The following HPSE2 variants were observed in gnomAD, a reference collection of about 807,000 sequenced individuals.
The protein encoded by HPSE2 is heparanase 2 (inactive).
HPSE2 carries 38 observed loss-of-function variants against 60.5 expected under a neutral mutation model. The ratio of observed to expected loss-of-function variants is 0.63; its 90% confidence interval spans 0.48 to 0.82. The LOEUF (loss-of-function observed/expected upper bound fraction) is 0.82, where lower values mean the gene tolerates loss of function less well. Ranked by LOEUF, HPSE2 falls within the 40% of genes least tolerant of loss-of-function variation. HPSE2 has a pLI of 0.00. For missense variants in HPSE2, 713 were observed against 740.4 expected, an observed-to-expected ratio of 0.96 and a Z score of 0.43; for synonymous variants, 295 against 293.2, an observed-to-expected ratio of 1.01 and a Z score of -0.06.
At chr10:99,170,697 TC>T (rs374230085) in intron 2 of HPSE2, among the ~76,000 whole-genome samples, 18 of 152,348 alleles carry the variant, frequency 1.2e-4, no homozygotes, top group African/African-American at 4.1e-4. Context: ...CTATTTCATT[TC>T]TTTCACCTGC....
chr10:99,305,967 G>GCACACACACACACACACA, the HPSE2 span, among the ~76,000 whole-genome samples: 2 of 54,550 alleles, frequency 3.7e-5, no homozygotes, highest in Non-Finnish European at 7.3e-5. Flanking sequence ...ACACACGCGC[G>GCACACACACACACACACA]CGCGCGCGCG....
intron 9 of HPSE2, among the ~76,000 whole-genome samples, chr10:98,491,310 G>A (rs1941636657): frequency 6.6e-6 from 1 of 151,970 alleles, no homozygotes; most frequent in Non-Finnish European, 1.5e-5. Flanking sequence ...TTTGCCACTA[G>A]AATGGCTCCA....
intron 3 of HPSE2, among the ~76,000 whole-genome samples, chr10:98,789,548 C>G (rs575310235): frequency 6.6e-6 from 1 of 152,186 alleles, no homozygotes; most frequent in African/African-American, 2.4e-5. Context: ...TCAGAGTTGT[C>G]CTGAAATAGA....
At chr10:99,147,923 C>T (rs1846115195) in intron 2 of HPSE2, among the ~76,000 whole-genome samples, 1 of 152,098 alleles carries the variant, frequency 6.6e-6, no homozygotes, top group South Asian at 2.1e-4. Context: ...AAGACATGAA[C>T]ACAAATCCTA....
intron 5 of HPSE2, 85 bp downstream of exon 5, chr10:98,721,572 A>C (rs770264072): frequency 6.8e-6 from 9 of 1,321,806 alleles, no homozygotes; most frequent in Non-Finnish European, 9.5e-6. Flanking sequence ...TAAATAAATA[A>C]ATAAATAAAT....
chr10:99,241,472 ACAAT>A, the HPSE2 span, among the ~76,000 whole-genome samples: 1 of 152,238 alleles, frequency 6.6e-6, no homozygotes, highest in African/African-American at 2.4e-5. Context: ...TCTAAAATAT[ACAAT>A]CAATCAGGCA....
At chr10:98,902,042 T>G (rs1262509064) in intron 3 of HPSE2, among the ~76,000 whole-genome samples, 1 of 152,198 alleles carries the variant, frequency 6.6e-6, no homozygotes, top group Admixed American at 6.5e-5. Flanking sequence ...AATTTGTTCA[T>G]GTAATCACAA....
At chr10:99,079,620 T>C (rs762678654) in intron 3 of HPSE2, among the ~76,000 whole-genome samples, 21 of 152,278 alleles carry the variant, frequency 1.4e-4, no homozygotes, top group South Asian at 8.3e-4. Context: ...TGCTATAATA[T>C]GCCAGGACCT....
At chr10:99,079,878 G>T (rs964966668) in intron 3 of HPSE2, among the ~76,000 whole-genome samples, 1 of 152,128 alleles carries the variant, frequency 6.6e-6, no homozygotes, top group Admixed American at 6.5e-5. Flanking sequence ...ACATATAGCA[G>T]TCTTCTCAGA....
chr10:98,478,106 A>C (rs1381193943), intron 11 of HPSE2, among the ~76,000 whole-genome samples: 1 of 152,212 alleles, frequency 6.6e-6, no homozygotes, highest in Non-Finnish European at 1.5e-5. Context: ...TTGTGATCAC[A>C]CAAGGCAATG....
intron 3 of HPSE2, among the ~76,000 whole-genome samples, chr10:98,917,994 C>T (rs1954169775): frequency 6.6e-6 from 1 of 152,190 alleles, no homozygotes; most frequent in South Asian, 2.1e-4. Context: ...TGCAAGATAA[C>T]TCAGGCCGTC....
chr10:98,523,272 G>A (rs560356606), intron 9 of HPSE2, among the ~76,000 whole-genome samples: 20 of 152,300 alleles, frequency 1.3e-4, no homozygotes, highest in African/African-American at 4.8e-4. Flanking sequence ...CTCAGTAACT[G>A]CCTTTGATAT....
intron 6 of HPSE2, among the ~76,000 whole-genome samples, chr10:98,683,470 A>C (rs1947836479): frequency 6.6e-6 from 1 of 151,964 alleles, no homozygotes; most frequent in South Asian, 2.1e-4. Flanking sequence ...AATAAAACTA[A>C]AATTGATATC....
chr10:98,543,966 T>C (rs1254756904), intron 9 of HPSE2, among the ~76,000 whole-genome samples: 1 of 148,528 alleles, frequency 6.7e-6, no homozygotes, highest in African/African-American at 2.5e-5. Context: ...AACTCAGCTC[T>C]GCACCAAGCA....
intron 3 of HPSE2, among the ~76,000 whole-genome samples, chr10:98,793,161 C>T (rs376884253): frequency 7.9e-5 from 12 of 152,316 alleles, no homozygotes; most frequent in African/African-American, 2.9e-4. Context: ...AGATGTTCTC[C>T]CTTAACTGTA....
At chr10:98,868,169 GA>G (rs1952641595) in intron 3 of HPSE2, among the ~76,000 whole-genome samples, 1 of 151,732 alleles carries the variant, frequency 6.6e-6, no homozygotes, top group Non-Finnish European at 1.5e-5. Context: ...GCTATAAAAA[GA>G]ATGAGATTCT....
At chr10:98,539,080 C>T (rs1171675314) in intron 9 of HPSE2, among the ~76,000 whole-genome samples, 1 of 152,206 alleles carries the variant, frequency 6.6e-6, no homozygotes, top group Non-Finnish European at 1.5e-5. Context: ...GAAGGCAAAA[C>T]ATGACTGCTT....
chr10:99,123,660 G>A (rs1373946330), intron 3 of HPSE2, among the ~76,000 whole-genome samples: 1 of 152,190 alleles, frequency 6.6e-6, no homozygotes, highest in Non-Finnish European at 1.5e-5. Context: ...GGTGAGCAAG[G>A]CAAAGAGTTG....
At chr10:99,232,594 G>T in intron 1 of HPSE2, 89 bp from the exon 2 acceptor site, 2 of 1,412,314 alleles carry the variant, frequency 1.4e-6, no homozygotes, top group Non-Finnish European at 2.0e-6. Context: ...CCTACTCCCT[G>T]AGGGCGACCT....
Sources: allele counts gnomAD v4.1 joint callset (sites outside exome capture counted in the v4.1 genomes callset), GRCh38; gene constraint gnomAD v4.1.1; transcripts MANE v1.5; gene names NCBI Gene and HGNC (gene_info 2026-07-23, HGNC 2026-07-21).